Variants in SLCO1A2 observed in about 807,000 individuals in gnomAD.
The protein encoded by SLCO1A2 is solute carrier organic anion transporter family member 1A2.
Under a neutral mutation model 69.0 loss-of-function variants are expected in SLCO1A2, and 67 were observed. The ratio of observed to expected loss-of-function variants is 0.97; its 90% CI spans 0.80 to 1.19. The LOEUF (loss-of-function observed/expected upper bound fraction) is 1.19. SLCO1A2 is among the 50% of genes most tolerant of loss of function. SLCO1A2 has a pLI of 0.00. For missense variants in SLCO1A2, 787 were observed against 793.7 expected (o/e 0.99, Z 0.10); for synonymous variants, 260 against 265.9 (o/e 0.98, Z 0.22).
intron 12 of SLCO1A2, among the ~76,000 whole-genome samples, chr12:21,285,806 C>G (rs1945668581): frequency 6.6e-6 from 1 of 151,930 alleles, no homozygotes; most frequent in South Asian, 2.1e-4. Context: ...CAAAATGCAC[C>G]AATCCTTCAT....
rs183538288 is a variant in SLCO1A2 at position 21,268,930 on chromosome 12, T to C, written c.*618A>G. 1.3e-5 allele frequency: 2 copies of C among 152,128 alleles called. No homozygotes were observed. Among genetic ancestry groups the C allele is most frequent in the Admixed American group, 1.3e-4 (2 of 15,232 alleles). The allele number at this position is 152,128 out of a possible 1,614,324, so 9.4% of individuals were successfully genotyped here. ...TTAATAACCTGCTTAAGTTTGTCAG[T>C]ATTCTGTACAAATTGAGCAAATGTA... On this transcript the variant is annotated 3_prime_UTR_variant, in exon 15 of 15. Coordinates refer to ENST00000683939, the MANE Select transcript of SLCO1A2 (RefSeq NM_001386879.1).
At chr12:21,281,499 A>C (rs140370202) in intron 12 of SLCO1A2, among the ~76,000 whole-genome samples, 347 of 152,236 alleles carry the variant, frequency 2.3e-3, no homozygotes, top group African/African-American at 7.8e-3. Flanking sequence ...AAAGAATTAG[A>C]AAAGCAAGAG....
intron 3 of SLCO1A2, 39 bp downstream of exon 3, chr12:21,318,743 C>CA: frequency 6.4e-7 from 1 of 1,559,562 alleles, no homozygotes; most frequent in Non-Finnish European, 8.7e-7. Flanking sequence ...ACAGATAAGA[C>CA]AAAATACAAA....
chr12:21,321,071 T>C (rs1461765728), intron 2 of SLCO1A2, among the ~76,000 whole-genome samples: 1 of 152,146 alleles, frequency 6.6e-6, no homozygotes, highest in Non-Finnish European at 1.5e-5. Flanking sequence ...ATAAACAACT[T>C]CCTGATTCCC....
chr12:21,405,706 A>G (rs967002951), intron 1 of SLCO1A2, among the ~76,000 whole-genome samples: 1 of 152,184 alleles, frequency 6.6e-6, no homozygotes, highest in Non-Finnish European at 1.5e-5. Flanking sequence ...GGCTAGCCAT[A>G]TGCAGAAAAT....
intron 3 of SLCO1A2, among the ~76,000 whole-genome samples, chr12:21,317,506 G>GTA (rs1176643614): frequency 1.3e-5 from 2 of 151,930 alleles, no homozygotes; most frequent in African/African-American, 4.8e-5. Context: ...GTAAGACCTT[G>GTA]TATATATCTA....
At chr12:21,338,031 C>G (rs1952947241), upstream of SLCO1A2, among the ~76,000 whole-genome samples, 1 of 151,988 alleles carries the variant, frequency 6.6e-6, no homozygotes, top group Non-Finnish European at 1.5e-5. Context: ...AATGTACTAA[C>G]TCTAGATAAT....
chr12:21,378,006 T>C (rs1940327436), intron 1 of SLCO1A2, among the ~76,000 whole-genome samples: 1 of 152,190 alleles, frequency 6.6e-6, no homozygotes, highest in Non-Finnish European at 1.5e-5. Flanking sequence ...GACTTTTAAC[T>C]GAGAAATGCA....
At chr12:21,390,161 G>A (rs1370532108) in intron 1 of SLCO1A2, among the ~76,000 whole-genome samples, 1 of 151,896 alleles carries the variant, frequency 6.6e-6, no homozygotes, top group Non-Finnish European at 1.5e-5. Context: ...GGTGAACTAT[G>A]TTCACATTAC....
In SLCO1A2 at chr12:21,333,416, A is replaced by G. The variant is rs7307090; in HGVS notation, c.60+1172T>C. ...CCCTTTCAACTTATTTCAACAACAA[A>G]GTTTAAAGCAAATTTGTTAAAAATA... On this transcript the variant is annotated intron_variant, in intron 2 of 14. Transcript: ENST00000683939. Among the ~76,000 whole-genome samples the G allele has an allele frequency of 5.6e-3, 853 of 152,210 alleles. 3 individuals are homozygous for G. Among genetic ancestry groups the G allele is most frequent in the African/African-American group, 0.02 (815 of 41,568 alleles).
rs202105274 is a variant in SLCO1A2, at chr12:21,270,428, T to TATAAG, written c.1794-666_1794-662dup. On this transcript the variant is annotated intron_variant, in intron 14 of 14. Coordinates refer to ENST00000683939, the MANE Select transcript of SLCO1A2 (RefSeq NM_001386879.1). Reference sequence around the variant, plus strand: ...AATTTTTATGTAGAATTTTTGCATGTATAAGATTAGCCTACAAATTTTTTT... The same window carrying TATAAG: ...AATTTTTATGTAGAATTTTTGCATGTATAAGATAAGATTAGCCTACAAATTTTTTT... Among the ~76,000 whole-genome samples the TATAAG allele has an allele frequency of 8.4e-3, 1,271 of 151,924 alleles. 12 individuals carry two copies. Among genetic ancestry groups the TATAAG allele is most frequent in the African/African-American group, 0.028 (1,162 of 41,544 alleles).
intron 1 of SLCO1A2, among the ~76,000 whole-genome samples, chr12:21,406,761 T>C (rs981507707): frequency 6.6e-6 from 1 of 152,206 alleles, no homozygotes; most frequent in African/African-American, 2.4e-5. Context: ...CACTACACTA[T>C]ACTGCCTCTC....
At chr12:21,347,701 A>AAGGAAGGAAGGAAGGAAGGAAGG (rs1565510480) in intron 2 of SLCO1A2, among the ~76,000 whole-genome samples, 6 of 70,638 alleles carry the variant, frequency 8.5e-5, no homozygotes, top group African/African-American at 2.4e-4. Flanking sequence ...AGGAAGGAAG[A>AAGGAAGGAAGGAAGGAAGGAAGG]AGGAAAAAAG....
intron 1 of SLCO1A2, among the ~76,000 whole-genome samples, chr12:21,388,091 G>A (rs1347109739): frequency 6.6e-6 from 1 of 152,198 alleles, no homozygotes; most frequent in Non-Finnish European, 1.5e-5. Context: ...TTTACCCAAT[G>A]TCTGTACCCC....
chr12:21,362,082 A>T (rs189196715), intron 2 of SLCO1A2, among the ~76,000 whole-genome samples: 176 of 152,310 alleles, frequency 1.2e-3, no homozygotes, highest in African/African-American at 4.1e-3. Flanking sequence ...AAACTCCAAG[A>T]CACATAATTG....
chr12:21,320,709 G>T (rs1284881262), intron 2 of SLCO1A2, among the ~76,000 whole-genome samples: 1 of 152,046 alleles, frequency 6.6e-6, no homozygotes, highest in African/African-American at 2.4e-5. Flanking sequence ...ATGTTGGCCA[G>T]GCTGGTCTCG....
chr12:21,386,413 C>T (rs1295872302), intron 1 of SLCO1A2, among the ~76,000 whole-genome samples: 1 of 152,130 alleles, frequency 6.6e-6, no homozygotes, highest in Non-Finnish European at 1.5e-5. Flanking sequence ...ACTCCCATAA[C>T]CCCCACATAT....
At chr12:21,366,228 GA>G (rs1309115526) in intron 2 of SLCO1A2, among the ~76,000 whole-genome samples, 1 of 152,150 alleles carries the variant, frequency 6.6e-6, no homozygotes, top group East Asian at 1.9e-4. Flanking sequence ...CATAAAAAAG[GA>G]TGAGTTCATA....
chr12:21,318,410 C>T (rs1009390886), intron 3 of SLCO1A2, among the ~76,000 whole-genome samples: 4 of 152,106 alleles, frequency 2.6e-5, no homozygotes, highest in East Asian at 1.9e-4. Flanking sequence ...TGAGCCACCT[C>T]GCCCGGCGGT....
Sources: gnomAD v4.1 joint callset for allele counts (sites outside exome capture counted in the v4.1 genomes callset) on GRCh38, gnomAD v4.1.1 for gene constraint, MANE v1.5 for transcripts, NCBI Gene and HGNC (gene_info 2026-07-23, HGNC 2026-07-21) for gene names.